HHAT: variants seen among roughly 807,000 people sequenced by gnomAD.
The protein encoded by HHAT is hedgehog acyltransferase.
A neutral mutation model predicts 70.8 loss-of-function variants in HHAT; 47 were observed. The ratio of observed to expected loss-of-function variants is 0.66; its 90% CI spans 0.53 to 0.85. The LOEUF (loss-of-function observed/expected upper bound fraction) is 0.85. HHAT is among the 40% of genes least tolerant of loss of function. The pLI is 0.00. For missense variants in HHAT, 609 were observed against 604.8 expected (o/e 1.01, Z -0.07); for synonymous variants, 228 against 247.6 (o/e 0.92, Z 0.74).
At chr1:210,466,054 T>C (rs978127744) in intron 8 of HHAT, among the ~76,000 whole-genome samples, 10 of 146,856 alleles carry the variant, frequency 6.8e-5, no homozygotes, top group Admixed American at 1.3e-4. Flanking sequence ...TGCAAGGAAT[T>C]GCAAGGAATG....
intron 3 of HHAT, among the ~76,000 whole-genome samples, chr1:210,386,868 G>A (rs80296958): frequency 2.6e-5 from 4 of 152,086 alleles, no homozygotes; most frequent in African/African-American, 9.7e-5. Flanking sequence ...AGAGCTTCTT[G>A]GGGGGAAGGG....
chr1:210,643,242 A>G (rs1234662579), intron 11 of HHAT, among the ~76,000 whole-genome samples: 2 of 152,180 alleles, frequency 1.3e-5, no homozygotes, highest in Non-Finnish European at 2.9e-5. Flanking sequence ...ATTCTTCAAA[A>G]TTGTCTTGGA....
At chr1:210,508,443 A>G (rs916172773) in intron 8 of HHAT, among the ~76,000 whole-genome samples, 1 of 152,192 alleles carries the variant, frequency 6.6e-6, no homozygotes, top group Non-Finnish European at 1.5e-5. Context: ...ATGATGAAAT[A>G]ACATTTTTAA....
intron 10 of HHAT, among the ~76,000 whole-genome samples, chr1:210,609,274 TC>T (rs1268446361): frequency 6.6e-6 from 1 of 152,164 alleles, no homozygotes; most frequent in East Asian, 1.9e-4. Context: ...TTATATAATC[TC>T]CAAAGATTTA....
chr1:210,630,548 T>A (rs1558312599), intron 11 of HHAT, among the ~76,000 whole-genome samples: 2 of 152,224 alleles, frequency 1.3e-5, no homozygotes, highest in Non-Finnish European at 2.9e-5. Context: ...TCAAGGGTGG[T>A]GTTGAGGACT....
At chr1:210,569,230 C>T (rs1004047835) in intron 9 of HHAT, among the ~76,000 whole-genome samples, 10 of 151,640 alleles carry the variant, frequency 6.6e-5, no homozygotes, top group African/African-American at 2.2e-4. Flanking sequence ...AAAAATTAGC[C>T]GGGTGCAGTG....
chr1:210,458,063 C>T (rs1200800542), intron 7 of HHAT, among the ~76,000 whole-genome samples: 1 of 152,014 alleles, frequency 6.6e-6, no homozygotes, highest in African/African-American at 2.4e-5. Flanking sequence ...TTTTAAAAAT[C>T]TAAAAATTTA....
intron 10 of HHAT, among the ~76,000 whole-genome samples, chr1:210,591,522 C>T (rs921808640): frequency 1.3e-5 from 2 of 152,092 alleles, no homozygotes; most frequent in Non-Finnish European, 2.9e-5. Flanking sequence ...GTGCAAATAT[C>T]TCCTTAATTT....
chr1:210,596,658 T>C (rs919480530), intron 10 of HHAT, among the ~76,000 whole-genome samples: 3 of 152,100 alleles, frequency 2.0e-5, no homozygotes, highest in African/African-American at 7.2e-5. Context: ...AATTCCTGCT[T>C]GATTCTTTTT....
chr1:210,636,756 A>G (rs1273891571), intron 11 of HHAT, among the ~76,000 whole-genome samples: 2 of 152,148 alleles, frequency 1.3e-5, no homozygotes, highest in Non-Finnish European at 2.9e-5. Flanking sequence ...CTCTGAGTCA[A>G]ACATCCCAAT....
intron 10 of HHAT, among the ~76,000 whole-genome samples, chr1:210,621,826 G>A (rs527601900): frequency 3.0e-4 from 45 of 152,256 alleles, no homozygotes; most frequent in African/African-American, 8.2e-4. Context: ...AACCATGATC[G>A]GGCAGACATC....
intron 9 of HHAT, among the ~76,000 whole-genome samples, chr1:210,569,992 C>G (rs1655842540): frequency 1.3e-5 from 2 of 152,162 alleles, no homozygotes; most frequent in African/African-American, 4.8e-5. Context: ...ATTCCTTTCA[C>G]AAACACAAAT....
intron 8 of HHAT, among the ~76,000 whole-genome samples, chr1:210,491,056 A>G (rs1253024965): frequency 1.1e-5 from 1 of 92,766 alleles, no homozygotes; most frequent in Non-Finnish European, 2.3e-5. Flanking sequence ...AGACACACAC[A>G]CACACATAGT....
intron 8 of HHAT, among the ~76,000 whole-genome samples, chr1:210,473,966 A>C (rs566254196): frequency 6.6e-6 from 1 of 152,304 alleles, no homozygotes; most frequent in African/African-American, 2.4e-5. Context: ...TATTTACAGA[A>C]TATTTGGATA....
chr1:210,576,940 ATTC>A (rs1345065587), intron 9 of HHAT, among the ~76,000 whole-genome samples: 7 of 151,784 alleles, frequency 4.6e-5, no homozygotes, highest in African/African-American at 1.7e-4. Flanking sequence ...ATTCTATTTT[ATTC>A]TTTTTTGTTG....
intron 7 of HHAT, among the ~76,000 whole-genome samples, chr1:210,453,415 T>A (rs2093795435): frequency 6.6e-6 from 1 of 152,238 alleles, no homozygotes; most frequent in South Asian, 2.1e-4. Context: ...TCATGGTGCA[T>A]GCTTGCAGAA....
chr1:210,633,858 C>T lies in HHAT; in HGVS notation c.1390+10188C>T, dbSNP rs74158956. ...CGCATGTGCCCACAGAGCCTCTCTG[C>T]GCCCTTTTGTTCTCCTCTGGCTATT... On this transcript the variant is annotated intron_variant, in intron 11 of 11. Coordinates refer to ENST00000261458, the MANE Select transcript of HHAT (RefSeq NM_018194.6). Among the ~76,000 whole-genome samples, 507 of 152,290 alleles carry T rather than the reference C, an allele frequency of 3.3e-3. 3 individuals are homozygous for T. Among genetic ancestry groups the T allele is most frequent in the African/African-American group, 0.012 (480 of 41,562 alleles).
At chr1:210,433,305 C>G (rs544643700) in intron 7 of HHAT, among the ~76,000 whole-genome samples, 5 of 151,946 alleles carry the variant, frequency 3.3e-5, no homozygotes, top group Admixed American at 3.3e-4. Context: ...CACAGGGACT[C>G]TGCCTGGCAG....
chr1:210,381,518 C>T (rs2090634579), intron 3 of HHAT, among the ~76,000 whole-genome samples: 2 of 152,216 alleles, frequency 1.3e-5, no homozygotes, highest in South Asian at 2.1e-4. Flanking sequence ...TGGCCTCAAG[C>T]TATCCACCCA....
Sources: allele counts gnomAD v4.1 joint callset (sites outside exome capture counted in the v4.1 genomes callset), GRCh38; gene constraint gnomAD v4.1.1; transcripts MANE v1.5; gene names NCBI Gene and HGNC (gene_info 2026-07-23, HGNC 2026-07-21).